The following SMYD5 variants were observed in gnomAD, a reference collection of about 807,000 sequenced individuals.
SMYD5 encodes protein-lysine N-trimethyltransferase SMYD5.
SMYD5 carries 35 observed loss-of-function variants against 57.4 expected under a neutral mutation model. The ratio of observed to expected loss-of-function variants is 0.61; its 90% CI spans 0.47 to 0.81. The LOEUF (loss-of-function observed/expected upper bound fraction) is 0.81, where lower values mean the gene tolerates loss of function less well. Among genes scored for constraint, SMYD5 ranks in the 30% least tolerant of loss-of-function variants. The pLI is 0.00. For missense variants in SMYD5, 471 were observed against 527.9 expected (o/e 0.89, Z 1.06); for synonymous variants, 198 against 189.7 (o/e 1.04, Z -0.36).
chr2:73,219,335 T>C (rs534594443), intron 2 of SMYD5, among the ~76,000 whole-genome samples: 2 of 152,262 alleles, frequency 1.3e-5, no homozygotes, highest in Admixed American at 1.3e-4. Flanking sequence ...ACAAGTACGA[T>C]GCCCTTAGCT....
intron 9 of SMYD5, 81 bp downstream of exon 9, chr2:73,223,613 GT>G: frequency 2.0e-6 from 2 of 1,010,340 alleles, no homozygotes; most frequent in Non-Finnish European, 3.2e-6. Flanking sequence ...TTTCCCCAGG[GT>G]GCTCTGAATT....
At chr2:73,224,055 G>C in intron 10 of SMYD5, 52 bp downstream of exon 10, 1 of 1,559,292 alleles carries the variant, frequency 6.4e-7, no homozygotes, top group Non-Finnish European at 8.8e-7. Context: ...GCCTTTGCCA[G>C]GTGGCCTTGC....
chr2:73,223,875 C>CT, intron 9 of SMYD5, 72 bp from the exon 10 acceptor site: 1 of 1,397,436 alleles, frequency 7.2e-7, no homozygotes, highest in Non-Finnish European at 1.0e-6. Flanking sequence ...AGTGCCTGTC[C>CT]GTGTAAGCCT....
Position 73,220,642 on chromosome 2 carries a change from C to G in SMYD5, c.346-19C>G, listed in dbSNP as rs1686367957. ...CTAGGGCCAGATCCTTGGGTACTGA[C>G]CTCTATCCCACCTAACAGGTGATGT... On this transcript the variant is annotated intron_variant, in intron 3 of 12. Transcript: ENST00000389501. 2.5e-6 allele frequency: 4 copies of G among 1,613,872 alleles called. No homozygotes were observed. In the East Asian group the frequency reaches 8.9e-5, roughly 36 times the overall value.
chr2:73,214,332 C>T lies in SMYD5; in HGVS notation c.66C>T (p.Ser22=). 6.2e-7 allele frequency: 1 copy of T among 1,613,496 alleles called. No individual in the cohort carries two copies. Among genetic ancestry groups the T allele is most frequent in the Non-Finnish European group, 8.5e-7 (1 of 1,179,810 alleles). Residue 22 remains serine (S), a synonymous_variant, in exon 1 of 13, where the codon TCC becomes TCT. Coordinates refer to ENST00000389501, the MANE Select transcript of SMYD5 (RefSeq NM_006062.3). ...GCGTGGCGGGCCGCGCGCGGGTCTC[C>T]GTGGAAGTCCGTTTCGTGAGCAGCG... The part of the protein sequence containing the change: ...CVGVAGRARV[S]VEVRFVSSAK...
At chr2:73,220,007 G>C (rs780054941) in intron 2 of SMYD5, 44 bp from the exon 3 acceptor site, 1 of 1,613,622 alleles carries the variant, frequency 6.2e-7, no homozygotes, top group East Asian at 2.2e-5. Flanking sequence ...GATAGATGTG[G>C]CCTCTGCTCT....
chr2:73,220,971 C>T (rs1416890438), intron 4 of SMYD5, among the ~76,000 whole-genome samples, 189 bp downstream of exon 4: 1 of 152,138 alleles, frequency 6.6e-6, no homozygotes, highest in African/African-American at 2.4e-5. Context: ...CTGTCCTTAG[C>T]ATTTAACGCT....
intron 7 of SMYD5, 89 bp downstream of exon 7, chr2:73,222,906 G>T: frequency 6.6e-7 from 1 of 1,516,970 alleles, no homozygotes; most frequent in Non-Finnish European, 9.2e-7. Flanking sequence ...TGGGACAGCT[G>T]AGCCAAAGCC....
chr2:73,220,736 C>G lies in SMYD5; in HGVS notation c.421C>G (p.Gln141Glu). The change falls in exon 4 of 13, where the codon CAG becomes GAG. Residue 141 changes from glutamine (Q) to glutamate (E), a missense_variant. Transcript: ENST00000389501. ...YHQVLCPGPSQDDPLHPLNKL... is the reference protein window; with the variant it reads ...YHQVLCPGPSEDDPLHPLNKL... ...CCAGGTCCTGTGCCCAGGCCCCTCCCAGGATGACCCCTTGCATCCTCTCAA... is the reference window on the plus strand; with the variant it reads ...CCAGGTCCTGTGCCCAGGCCCCTCCGAGGATGACCCCTTGCATCCTCTCAA... The G allele has an allele frequency of 6.2e-7, 1 of 1,614,074 alleles. No homozygotes were observed. Among genetic ancestry groups the G allele is most frequent in the Non-Finnish European group, 8.5e-7 (1 of 1,179,998 alleles).
chr2:73,220,837 C>T, intron 4 of SMYD5, 55 bp downstream of exon 4: 1 of 1,597,698 alleles, frequency 6.3e-7, no homozygotes. Flanking sequence ...GGTTGCCTGC[C>T]TGGGCTCATC....
At chr2:73,222,492 G>C (rs1686414113) in intron 6 of SMYD5, among the ~76,000 whole-genome samples, 2 of 152,230 alleles carry the variant, frequency 1.3e-5, no homozygotes. Context: ...GGTGTGGATA[G>C]ACATTTCAGG....
chr2:73,226,029 C>T lies in SMYD5; in HGVS notation c.*83C>T. Reference sequence around the variant, plus strand: ...CCCCAGAGAAGTGGCTTGGAGGGAACTTCCCACTCCCATTGCCTGCTTTCC... The same window carrying T: ...CCCCAGAGAAGTGGCTTGGAGGGAATTTCCCACTCCCATTGCCTGCTTTCC... On this transcript the variant is annotated 3_prime_UTR_variant, in exon 13 of 13. Transcript: ENST00000389501. The T allele has an allele frequency of 2.7e-6, 4 of 1,485,710 alleles. No individual in the cohort carries two copies. Among genetic ancestry groups the T allele is most frequent in the Non-Finnish European group, 2.7e-6 (3 of 1,114,052 alleles). 92.0% of individuals were successfully genotyped at this position (1,485,710 alleles called of 1,614,324 possible).
chr2:73,221,418 G>A (rs1182663237), intron 5 of SMYD5, among the ~76,000 whole-genome samples, 184 bp downstream of exon 5: 5 of 148,462 alleles, frequency 3.4e-5, no homozygotes, highest in South Asian at 2.1e-4. Context: ...TGGAGAGCTC[G>A]TTTTGCCTGT....
intron 9 of SMYD5, 140 bp downstream of exon 9, chr2:73,223,672 C>CTT: frequency 1.4e-6 from 1 of 708,312 alleles, no homozygotes; most frequent in Non-Finnish European, 2.5e-6. Flanking sequence ...AGCTTCAGAT[C>CTT]TGTCCACAGG....
At chr2:73,220,408 T>A (rs935674863) in intron 3 of SMYD5, among the ~76,000 whole-genome samples, 1 of 152,062 alleles carries the variant, frequency 6.6e-6, no homozygotes, top group Non-Finnish European at 1.5e-5. Context: ...AGCTGGAAAA[T>A]GGGCTTGGTG....
Position 73,223,031 on chromosome 2 carries a change from C to T in SMYD5, c.706-5C>T, listed in dbSNP as rs201198262. The T allele has an allele frequency of 3.1e-6, 5 of 1,613,334 alleles. No individual in the cohort carries two copies. Among genetic ancestry groups the T allele is most frequent in the African/African-American group, 1.3e-5 (1 of 74,906 alleles). On this transcript the variant is annotated splice_region_variant and splice_polypyrimidine_tract_variant and intron_variant, in intron 7 of 12. Coordinates refer to ENST00000389501, the MANE Select transcript of SMYD5 (RefSeq NM_006062.3). Reference sequence around the variant, plus strand: ...TGAGCACTCATCTCTTTTTTCCCCCCACAGTGGTTCACTCCAGATGGATTC... The same window carrying T: ...TGAGCACTCATCTCTTTTTTCCCCCTACAGTGGTTCACTCCAGATGGATTC...
At chr2:73,219,805 A>G (rs1686351017) in intron 2 of SMYD5, 4 of 577,900 alleles carry the variant, frequency 6.9e-6, no homozygotes, top group South Asian at 1.9e-5. Flanking sequence ...AGAAGCAAGG[A>G]AAGTTAGACA....
intron 1 of SMYD5, 135 bp downstream of exon 1, chr2:73,214,497 G>C: frequency 2.0e-6 from 3 of 1,492,960 alleles, no homozygotes; most frequent in Non-Finnish European, 2.7e-6. Flanking sequence ...CTCGCGGCCC[G>C]GGGGCTCCCA....
At chr2:73,214,494 C>G in intron 1 of SMYD5, 132 bp downstream of exon 1, 1 of 1,496,566 alleles carries the variant, frequency 6.7e-7, no homozygotes, top group South Asian at 1.3e-5. Context: ...CTGCTCGCGG[C>G]CCGGGGGCTC....
Sources: gnomAD v4.1 joint callset for allele counts (sites outside exome capture counted in the v4.1 genomes callset) on GRCh38, gnomAD v4.1.1 for gene constraint, MANE v1.5 for transcripts, NCBI Gene and HGNC (gene_info 2026-07-23, HGNC 2026-07-21) for gene names.